Variants in ABCE1 observed in about 807,000 individuals in gnomAD.
ABCE1 encodes the protein ATP binding cassette subfamily E member 1.
ABCE1 carries 22 observed loss-of-function variants against 83.4 expected under a neutral mutation model. The observed-to-expected ratio is 0.26, with a 90% confidence interval of 0.19 to 0.38. The LOEUF is 0.38. Ranked by LOEUF, ABCE1 falls within the 10% of genes least tolerant of loss-of-function variation. The pLI, the probability that ABCE1 is intolerant of heterozygous loss-of-function variation, is 1.00. For missense variants in ABCE1, 330 were observed against 721.9 expected, an observed-to-expected ratio of 0.46 and a Z score of 6.22; for synonymous variants, 204 against 233.7, an observed-to-expected ratio of 0.87 and a Z score of 1.16.
At chr4:145,103,925 G>A (rs191552473) in intron 1 of ABCE1, among the ~76,000 whole-genome samples, 2 of 151,774 alleles carry the variant, frequency 1.3e-5, no homozygotes, top group East Asian at 1.9e-4. Flanking sequence ...CCACATGTCT[G>A]GGGTTCTTTT....
At chr4:145,116,591 A>G (rs577992012) in intron 9 of ABCE1, among the ~76,000 whole-genome samples, 26 of 152,068 alleles carry the variant, frequency 1.7e-4, no homozygotes, top group African/African-American at 6.3e-4. Context: ...GGTGTTCGAT[A>G]TGGAAATGGG....
intron 4 of ABCE1, among the ~76,000 whole-genome samples, chr4:145,108,625 A>T: frequency 6.6e-6 from 1 of 152,176 alleles, no homozygotes; most frequent in Non-Finnish European, 1.5e-5. Context: ...CTAGATTTTT[A>T]CTAATAAAAA....
chr4:145,123,372 C>G lies in ABCE1; in HGVS notation c.1517+15C>G. 2 of 1,597,230 alleles carry G rather than the reference C, an allele frequency of 1.3e-6. No homozygotes were observed. The highest frequency in any genetic ancestry group is 1.1e-5 in the South Asian group (1 of 89,316). ...GTTGTCAAACGGTAAATATCTTGCTCCTAGCCATATTTTGATTATGTATAC... is the reference window on the plus strand; with the variant it reads ...GTTGTCAAACGGTAAATATCTTGCTGCTAGCCATATTTTGATTATGTATAC... On this transcript the variant is annotated intron_variant, in intron 15 of 17. Coordinates refer to ENST00000296577, the MANE Select transcript of ABCE1 (RefSeq NM_002940.3).
chr4:145,106,635 T>A (rs759736508), intron 3 of ABCE1, among the ~76,000 whole-genome samples: 23 of 152,056 alleles, frequency 1.5e-4, no homozygotes, highest in Non-Finnish European at 2.6e-4. Flanking sequence ...TCTTTGAGGG[T>A]GGAGAAGTAA....
intron 13 of ABCE1, chr4:145,121,664 G>A (rs577646285): frequency 7.1e-5 from 21 of 296,936 alleles, no homozygotes; most frequent in Non-Finnish European, 1.2e-4. Flanking sequence ...ACGAGGTCAG[G>A]AGATCGAGAC....
chr4:145,120,393 G>A (rs1353243891), intron 11 of ABCE1, among the ~76,000 whole-genome samples: 1 of 151,968 alleles, frequency 6.6e-6, no homozygotes. Context: ...AAAATAAGGT[G>A]TTCTTTGTCA....
rs4148238 is a variant in ABCE1, at chr4:145,110,084, A to AT, written c.406-3dup. ...TATTATTAAATTCACATGATTCTGT[A>AT]TTTTTTTTTTTTTTTTAGGATCCTC... On this transcript the variant is annotated intron_variant, in intron 5 of 17. Coordinates refer to ENST00000296577, the MANE Select transcript of ABCE1 (RefSeq NM_002940.3). The AT allele has an allele frequency of 0.045, 60,594 of 1,333,028 alleles. 8 individuals carry two copies. Among genetic ancestry groups the AT allele is most frequent in the South Asian group, 0.05 (3,364 of 67,016 alleles). The allele number at this position is 1,333,028 out of a possible 1,614,324, so 82.6% of individuals were successfully genotyped here. A position where few individuals can be genotyped will look rare whatever the true frequency, so the allele number is the denominator to read the frequency against.
Position 145,109,006 on chromosome 4 carries a change from T to C in ABCE1, c.288-126T>C, listed in dbSNP as rs544462224. 14 of 661,578 alleles carry C rather than the reference T, an allele frequency of 2.1e-5. No homozygotes were observed. The African/African-American group carries it at 2.4e-4, about 12-fold the overall frequency. The allele number at this position is 661,578 out of a possible 1,614,324, so 41.0% of individuals were successfully genotyped here. On this transcript the variant is annotated intron_variant, in intron 4 of 17. Transcript: ENST00000296577. The stretch of plus-strand genomic sequence containing the variant: ...TCCTAATAGCCAGTAATATCTGGCA[T>C]ATGTTTCTTAGCTTATTAATGGATG...
At chr4:145,114,311 G>A (rs988857656) in intron 9 of ABCE1, among the ~76,000 whole-genome samples, 1 of 152,048 alleles carries the variant, frequency 6.6e-6, no homozygotes, top group Non-Finnish European at 1.5e-5. Flanking sequence ...ATGTACCAGA[G>A]TCTTGAAAGG....
intron 1 of ABCE1, among the ~76,000 whole-genome samples, chr4:145,101,054 A>G (rs1246942442): frequency 2.0e-5 from 3 of 151,154 alleles, no homozygotes; most frequent in East Asian, 1.9e-4. Context: ...GTGCATATAC[A>G]CCAGATATAT....
At position 145,120,247 on chromosome 4, in the gene ABCE1, T is replaced by C. The variant is rs1455091182; in HGVS notation, c.1144+94T>C. On this transcript the variant is annotated intron_variant, in intron 11 of 17. Transcript: ENST00000296577. Reference sequence around the variant, plus strand: ...GTGGAAAAATTTGAATCATATGTTATAGGGCTAGAAGCAGAGTTTTATTTA... The same window carrying C: ...GTGGAAAAATTTGAATCATATGTTACAGGGCTAGAAGCAGAGTTTTATTTA... The C allele has an allele frequency of 8.3e-6, 9 of 1,081,846 alleles. No homozygotes were observed. In the Admixed American group the frequency reaches 1.8e-4, roughly 22 times the overall value. 67.0% of individuals were successfully genotyped at this position (1,081,846 alleles called of 1,614,324 possible).
intron 1 of ABCE1, among the ~76,000 whole-genome samples, chr4:145,101,453 A>G (rs952578139): frequency 6.6e-6 from 1 of 152,194 alleles, no homozygotes; most frequent in African/African-American, 2.4e-5. Flanking sequence ...TCAGATTGAG[A>G]ATGAAGCCAT....
chr4:145,104,202 T>C (rs1749233567), intron 1 of ABCE1, among the ~76,000 whole-genome samples, 184 bp from the exon 2 acceptor site: 1 of 152,142 alleles, frequency 6.6e-6, no homozygotes, highest in Non-Finnish European at 1.5e-5. Flanking sequence ...TAAAATTTGA[T>C]TTTCCCAACC....
At chr4:145,105,412 T>C (rs1390826891) in intron 2 of ABCE1, among the ~76,000 whole-genome samples, 193 bp from the exon 3 acceptor site, 1 of 152,094 alleles carries the variant, frequency 6.6e-6, no homozygotes, top group Non-Finnish European at 1.5e-5. Context: ...AGGATATTCA[T>C]ATAAGTGATT....
chr4:145,112,433 T>C, intron 9 of ABCE1, 105 bp downstream of exon 9: 1 of 832,572 alleles, frequency 1.2e-6, no homozygotes, highest in Non-Finnish European at 1.9e-6. Context: ...ATATTTTTTA[T>C]CTTGGTTGTT....
intron 1 of ABCE1, among the ~76,000 whole-genome samples, chr4:145,103,524 A>G (rs1352825172): frequency 1.3e-5 from 2 of 152,240 alleles, no homozygotes; most frequent in Non-Finnish European, 2.9e-5. Context: ...AAAAGCTTTA[A>G]AAGTGAGCAT....
intron 8 of ABCE1, among the ~76,000 whole-genome samples, chr4:145,111,360 G>A (rs1026360120): frequency 1.3e-5 from 2 of 152,168 alleles, no homozygotes; most frequent in African/African-American, 2.4e-5. Context: ...GTCTCGCTGT[G>A]TTGCCCAGGC....
rs900050163 is a variant in ABCE1, at chr4:145,127,987, T to A, written c.*414T>A. 1.3e-5 allele frequency: 2 copies of A among 154,276 alleles called. No homozygotes were observed. Among genetic ancestry groups the A allele is most frequent in the African/African-American group, 4.8e-5 (2 of 41,488 alleles). The allele number at this position is 154,276 out of a possible 1,614,324, so 9.6% of individuals were successfully genotyped here. On this transcript the variant is annotated 3_prime_UTR_variant, in exon 18 of 18. Coordinates refer to ENST00000296577, the MANE Select transcript of ABCE1 (RefSeq NM_002940.3). ...GCCAGTGTAATGAAACTGCCCTTAT[T>A]TTAAAAGCCAGTCAAAGATTCCACT...
rs1281281310 is a variant in ABCE1, at chr4:145,129,223, A to T, written c.*1650A>T. ...ACTTGTGATATAAGAGCACAGTTCT[A>T]CTTACTGCTAATGACAGAATATGTA... On this transcript the variant is annotated 3_prime_UTR_variant, in exon 18 of 18. Coordinates refer to ENST00000296577, the MANE Select transcript of ABCE1 (RefSeq NM_002940.3). The T allele has an allele frequency of 6.6e-6, 1 of 152,228 alleles. No homozygotes were observed. The highest frequency in any genetic ancestry group is 1.5e-5 in the Non-Finnish European group (1 of 68,034). The allele number at this position is 152,228 out of a possible 1,614,324, so 9.4% of individuals were successfully genotyped here.
Sources: allele counts gnomAD v4.1 joint callset (sites outside exome capture counted in the v4.1 genomes callset), GRCh38; gene constraint gnomAD v4.1.1; transcripts MANE v1.5; gene names NCBI Gene and HGNC (gene_info 2026-07-23, HGNC 2026-07-21).